The following ZFAT variants were observed in gnomAD, a reference collection of about 807,000 sequenced individuals.
ZFAT encodes zinc finger protein ZFAT.
ZFAT carries 64 observed loss-of-function variants against 117.7 expected under a neutral mutation model. That is an observed-to-expected ratio of 0.54 (90% CI 0.44 to 0.67). ZFAT has a LOEUF of 0.67. Among genes scored for constraint, ZFAT ranks in the 30% least tolerant of loss-of-function variants. The pLI is 0.00. For synonymous variants in ZFAT, 679 were observed against 615.0 expected (o/e 1.10, Z -1.54); for missense variants, 1,433 against 1,584.5 (o/e 0.90, Z 1.62).
At chr8:134,511,369 A>T (rs1316994278) in intron 14 of ZFAT, among the ~76,000 whole-genome samples, 1 of 152,188 alleles carries the variant, frequency 6.6e-6, no homozygotes, top group African/African-American at 2.4e-5. Flanking sequence ...ACAGAACCTC[A>T]GTGCTGAGAG....
intron 15 of ZFAT, among the ~76,000 whole-genome samples, chr8:134,488,317 G>T (rs951169339): frequency 2.0e-5 from 3 of 152,218 alleles, no homozygotes; most frequent in Non-Finnish European, 2.9e-5. Context: ...TAGAAAACAA[G>T]GCTAACATGG....
At chr8:134,617,615 T>C (rs1291017725) in intron 3 of ZFAT, among the ~76,000 whole-genome samples, 4 of 152,172 alleles carry the variant, frequency 2.6e-5, no homozygotes. Context: ...ATCAGGCAGT[T>C]ATCACGCGAC....
intron 10 of ZFAT, among the ~76,000 whole-genome samples, chr8:134,579,553 G>A (rs547056314): frequency 6.6e-6 from 1 of 152,284 alleles, no homozygotes; most frequent in South Asian, 2.1e-4. Context: ...TGAGAATTAT[G>A]GGAGCTACAA....
At chr8:134,782,829 G>C in the ZFAT span, among the ~76,000 whole-genome samples, 1 of 151,932 alleles carries the variant, frequency 6.6e-6, no homozygotes, top group African/African-American at 2.4e-5. Context: ...TTTATCAGTA[G>C]CATGAAAATG....
In ZFAT at chr8:134,638,239, A is replaced by G. The variant is rs77775269; in HGVS notation, c.197-527T>C. On this transcript the variant is annotated intron_variant, in intron 2 of 15. Coordinates refer to ENST00000377838, the MANE Select transcript of ZFAT (RefSeq NM_020863.4). ...ATTACAATCTAAAGCCACAAATTAT[A>G]GCACTAAAGACAATAACAATATTTT... is the stretch of plus-strand genomic sequence containing the variant. Among the ~76,000 whole-genome samples, 742 of 152,362 alleles carry G rather than the reference A, an allele frequency of 4.9e-3. 4 individuals carry two copies. Among genetic ancestry groups the G allele is most frequent in the Non-Finnish European group, 8.0e-3 (544 of 68,042 alleles).
At chr8:134,687,948 G>A (rs952775367) in intron 1 of ZFAT, among the ~76,000 whole-genome samples, 3 of 152,172 alleles carry the variant, frequency 2.0e-5, no homozygotes, top group Non-Finnish European at 2.9e-5. Context: ...CAGCCTCAGC[G>A]CTGAGCTCGG....
chr8:134,792,828 C>T, the ZFAT span: 2 of 152,098 alleles, frequency 1.3e-5, no homozygotes, highest in African/African-American at 2.4e-5. Flanking sequence ...TTTATAGTGC[C>T]ATTATGTTGC....
At chr8:134,606,339 G>A (rs1410366178) in intron 5 of ZFAT, among the ~76,000 whole-genome samples, 1 of 152,242 alleles carries the variant, frequency 6.6e-6, no homozygotes, top group Admixed American at 6.5e-5. Flanking sequence ...ATATCCTCAT[G>A]AAGTTATGCC....
At chr8:134,599,573 C>G in intron 7 of ZFAT, 2 of 350,518 alleles carry the variant, frequency 5.7e-6, no homozygotes, top group South Asian at 2.2e-5. Context: ...AGCCCATGCT[C>G]TGACCTACTC....
At chr8:134,662,771 C>T (rs1161670874) in intron 1 of ZFAT, among the ~76,000 whole-genome samples, 2 of 152,162 alleles carry the variant, frequency 1.3e-5, no homozygotes, top group Admixed American at 6.5e-5. Flanking sequence ...GGGAGGCAAG[C>T]GTACAGAAAG....
chr8:134,783,853 G>A, the ZFAT span: 1 of 152,254 alleles, frequency 6.6e-6, no homozygotes, highest in Non-Finnish European at 1.5e-5. Flanking sequence ...CTGAATGAGT[G>A]TGGGTCATTT....
Position 134,600,568 on chromosome 8 carries a change from G to C in ZFAT, c.2343C>G (p.Thr781=). Residue 781 remains threonine, a synonymous_variant, in exon 7 of 16, where the codon ACC becomes ACG. Transcript: ENST00000377838. ...TTACGTGGCGTTTAAGGCAGTTTTT[G>C]GTGATGGAAGAATAATGACACTGAG... is the stretch of plus-strand genomic sequence containing the variant. ...YCSQCHYSSI[T]KNCLKRHVIQ... 6.2e-7 allele frequency: 1 copy of C among 1,614,058 alleles called. No individual in the cohort carries two copies. Among genetic ancestry groups the C allele is most frequent in the South Asian group, 1.1e-5 (1 of 91,068 alleles).
At chr8:134,588,562 T>G (rs894359) in intron 8 of ZFAT, among the ~76,000 whole-genome samples, 167 bp from the exon 9 acceptor site, 60,265 of 152,012 alleles carry the variant, frequency 0.4, 12,386 homozygotes, top group Admixed American at 0.54. Flanking sequence ...AAATCGAGTC[T>G]CAGATCTCAG....
intron 15 of ZFAT, among the ~76,000 whole-genome samples, chr8:134,482,307 AG>A (rs1262193758): frequency 1.3e-5 from 2 of 152,210 alleles, no homozygotes; most frequent in Admixed American, 1.3e-4. Context: ...GCTGTGCAAA[AG>A]TCACAGGAGA....
chr8:134,577,977 CTCAT>C (rs1270411467), intron 10 of ZFAT, among the ~76,000 whole-genome samples: 1 of 152,030 alleles, frequency 6.6e-6, no homozygotes, highest in Non-Finnish European at 1.5e-5. Context: ...CTAGGGAAGA[CTCAT>C]TCAGAGTGAC....
At chr8:134,628,183 G>A (rs541047978) in intron 3 of ZFAT, among the ~76,000 whole-genome samples, 1 of 152,320 alleles carries the variant, frequency 6.6e-6, no homozygotes, top group South Asian at 2.1e-4. Context: ...GGGCCCCGCT[G>A]GCTCAGGGGG....
chr8:134,751,648 T>C, the ZFAT span, among the ~76,000 whole-genome samples: 1 of 152,208 alleles, frequency 6.6e-6, no homozygotes, highest in East Asian at 1.9e-4. Flanking sequence ...AGTAGGGCTG[T>C]ACCTGCAAAG....
chr8:134,491,108 A>C (rs986439491), intron 15 of ZFAT, among the ~76,000 whole-genome samples: 1 of 152,272 alleles, frequency 6.6e-6, no homozygotes, highest in East Asian at 1.9e-4. Flanking sequence ...GGATAAAAAT[A>C]AACAATAACA....
chr8:134,694,545 C>T (rs1215237842), intron 1 of ZFAT, among the ~76,000 whole-genome samples: 6 of 152,290 alleles, frequency 3.9e-5, no homozygotes, highest in African/African-American at 1.4e-4. Flanking sequence ...AGAACAAACC[C>T]TACATCCAAC....
Sources: allele counts gnomAD v4.1 joint callset (sites outside exome capture counted in the v4.1 genomes callset), GRCh38; gene constraint gnomAD v4.1.1; transcripts MANE v1.5; gene names NCBI Gene and HGNC (gene_info 2026-07-23, HGNC 2026-07-21).